Variants in CDH24 observed in about 807,000 individuals in gnomAD.
CDH24 encodes cadherin-24.
CDH24 carries 61 observed loss-of-function variants against 71.2 expected under a neutral mutation model. The ratio of observed to expected loss-of-function variants is 0.86; its 90% CI spans 0.70 to 1.06. CDH24 has a LOEUF of 1.06. Ranked by LOEUF, CDH24 falls within the 50% of genes least tolerant of loss-of-function variation. CDH24 has a pLI of 0.00. For synonymous variants in CDH24, 440 were observed against 470.2 expected (o/e 0.94, Z 0.83); for missense variants, 961 against 1,083.7 (o/e 0.89, Z 1.59).
At chr14:23,049,508 T>C (rs1025379451) in intron 10 of CDH24, 119 bp downstream of exon 10, 1 of 719,448 alleles carries the variant, frequency 1.4e-6, no homozygotes, top group African/African-American at 1.8e-5. Context: ...CACACCCATC[T>C]TCTGTTGGGT....
intron 7 of CDH24, 123 bp downstream of exon 7, chr14:23,053,373 C>T (rs2139947167): frequency 1.7e-6 from 2 of 1,205,230 alleles, no homozygotes; most frequent in Non-Finnish European, 1.1e-6. Context: ...AGCCCAGCTG[C>T]AGGGAGGGAG....
At position 23,054,681 on chromosome 14, in the gene CDH24, G is replaced by A. The variant is rs201261772; in HGVS notation, c.617-8C>T. On this transcript the variant is annotated splice_region_variant and splice_polypyrimidine_tract_variant and intron_variant, in intron 4 of 12. Transcript: ENST00000487137. This position sits in a 1 kb window ranked among gnomAD's most constrained non-coding sequence, Gnocchi z 5.2. ...TGGCTGTACGCACCACTCCTAGGGAGAGATGCTGGTCAGAGGGTGTCTGTC... is the reference window on the plus strand; with the variant it reads ...TGGCTGTACGCACCACTCCTAGGGAAAGATGCTGGTCAGAGGGTGTCTGTC... The A allele has an allele frequency of 1.9e-6, 3 of 1,614,014 alleles. No individual in the cohort carries two copies. The East Asian group carries it at 6.7e-5, about 36-fold the overall frequency.
Position 23,054,160 on chromosome 14 carries a change from C to G in CDH24, c.953G>C (p.Gly318Ala), listed in dbSNP as rs1166326641. ...SISTDLQGRD[G>A]LLTVRKPLDF... ...GCTAACCTTGCGGACAGTGAGGAGC[C>G]CGTCTCGACCCTGCAAGTCTGTGCT... The change falls in exon 6 of 13, where the codon GGG becomes GCG. Residue 318 changes from glycine (G) to alanine (A), a missense_variant. Gly to Ala is a moderately conservative substitution (Grantham distance 60). Coordinates refer to ENST00000487137, the MANE Select transcript of CDH24 (RefSeq NM_144985.4). This position sits in a 1 kb window ranked among gnomAD's most constrained non-coding sequence, Gnocchi z 5.2. The G allele has an allele frequency of 6.2e-7, 1 of 1,601,786 alleles. No homozygotes were observed. The highest frequency in any genetic ancestry group is 1.3e-5 in the African/African-American group (1 of 74,518).
At position 23,054,531 on chromosome 14, in the gene CDH24, G is replaced by A. The variant is rs371083991; in HGVS notation, c.759C>T (p.Asn253=). Residue 253 remains asparagine, a synonymous_variant, in exon 5 of 13, where the codon AAC becomes AAT. Coordinates refer to ENST00000487137, the MANE Select transcript of CDH24 (RefSeq NM_144985.4). The surrounding 1 kb of genome is among the most constrained non-coding windows in gnomAD (Gnocchi z 5.2). ...TTVTVTLSDV[N]DNPPKFPQSL... Reference sequence around the variant, plus strand: ...TCTGTGGGAACTTGGGGGGGTTGTCGTTGACATCGCTGAGCGTGACAGTCA... The same window carrying A: ...TCTGTGGGAACTTGGGGGGGTTGTCATTGACATCGCTGAGCGTGACAGTCA... 4.3e-5 allele frequency: 69 copies of A among 1,613,668 alleles called. No individual in the cohort carries two copies. In the South Asian group the frequency reaches 4.4e-4, roughly 10 times the overall value.
At position 23,049,693 on chromosome 14, in the gene CDH24, T is replaced by C. The variant is rs1420816092; in HGVS notation, c.1531A>G (p.Ser511Gly). ...RALDRDEVGN[S>G]SHVSFQGPLG... ...GGACCTTGAAAGGAGACATGGCTAC[T>C]GTTGCCAACTTCATCTCTGTCCAGG... Residue 511 changes from serine (S) to glycine (G), a missense_variant, in exon 10 of 13, where the codon AGT becomes GGT. This residue lies in a region of CDH24 where 671 missense variants were observed against 810.9 expected (regional missense o/e 0.83). Transcript: ENST00000487137. 6.2e-7 allele frequency: 1 copy of C among 1,612,192 alleles called. No individual in the cohort carries two copies. The highest frequency in any genetic ancestry group is 1.1e-5 in the South Asian group (1 of 90,844).
Position 23,048,199 on chromosome 14 carries a change from C to A in CDH24, c.2127G>T (p.Arg709=). ...CGGGGTCCTCGTCCGCCTCGCGGAG[C>A]CGCAGCGCCAGGAGCTGCGCCACGT... is the stretch of plus-strand genomic sequence containing the variant. ...PADVAQLLAL[R]LREADEDPGV... is the part of the protein sequence containing the mutation. The change falls in exon 12 of 13, where the codon CGG becomes CGT. Residue 709 remains arginine, a synonymous_variant. Coordinates refer to ENST00000487137, the MANE Select transcript of CDH24 (RefSeq NM_144985.4). The A allele has an allele frequency of 7.5e-7, 1 of 1,327,720 alleles. No homozygotes were observed. Among genetic ancestry groups the A allele is most frequent in the Non-Finnish European group, 9.7e-7 (1 of 1,035,090 alleles). The allele number at this position is 1,327,720 out of a possible 1,614,324, so 82.2% of individuals were successfully genotyped here. A position where few individuals can be genotyped will look rare whatever the true frequency, so the allele number is the denominator to read the frequency against.
intron 8 of CDH24, 98 bp from the exon 9 acceptor site, chr14:23,050,041 T>C: frequency 1.3e-6 from 2 of 1,497,666 alleles, no homozygotes; most frequent in East Asian, 2.3e-5. Flanking sequence ...ATGAAGCATA[T>C]AGCATGCACA....
intron 8 of CDH24, chr14:23,052,001 G>A: frequency 6.3e-7 from 1 of 1,587,824 alleles, no homozygotes; most frequent in African/African-American, 1.3e-5. Flanking sequence ...TTCCAACAGG[G>A]CTTCTCTGGG....
At position 23,049,102 on chromosome 14, in the gene CDH24, C is replaced by T. The variant is rs760900809; in HGVS notation, c.1771G>A (p.Glu591Lys). Reference protein sequence around the residue: ...PDGSVASCWPEAHLSAAGLST... With the variant: ...PDGSVASCWPKAHLSAAGLST... ...AGCCCAGCAGCTGAGAGGTGAGCCT[C>T]AGGCCAGCAGGATGCCACAGAGCCG... Residue 591 changes from glutamate (E) to lysine (K), a missense_variant, in exon 11 of 13, where the codon GAG becomes AAG. Transcript: ENST00000487137. 10 of 1,610,188 alleles carry T rather than the reference C, an allele frequency of 6.2e-6. No individual in the cohort carries two copies. The highest frequency in any genetic ancestry group is 1.7e-5 in the Admixed American group (1 of 59,598).
rs1838938195 is a variant in CDH24, at chr14:23,053,412, A to G, written c.1226+84T>C. ...TTTGCTGGGATATGAGTGATTTGCT[A>G]TAAGGTAGGGGGCACATTTACTCAT... On this transcript the variant is annotated intron_variant, in intron 7 of 12. Transcript: ENST00000487137. The G allele has an allele frequency of 5.8e-6, 8 of 1,390,562 alleles. No homozygotes were observed. In the East Asian group the frequency reaches 1.3e-4, roughly 22 times the overall value. 86.1% of individuals were successfully genotyped at this position (1,390,562 alleles called of 1,614,324 possible). A position where few individuals can be genotyped will look rare whatever the true frequency, so the allele number is the denominator to read the frequency against.
rs762040940 is a variant in CDH24, at chr14:23,054,469, T to A, written c.784+37A>T. On this transcript the variant is annotated intron_variant, in intron 5 of 12. Transcript: ENST00000487137. The surrounding 1 kb of genome is among the most constrained non-coding windows in gnomAD (Gnocchi z 5.2). ...TCCAGACACTGTAGGGGTGGGGTGA[T>A]CAAAGGATGGCTCAGGTGGCAGCAA... The A allele has an allele frequency of 4.4e-6, 7 of 1,596,520 alleles. No homozygotes were observed. In the Admixed American group the frequency reaches 1.0e-4, roughly 23 times the overall value.
chr14:23,049,587 A>G (rs2047069085), intron 10 of CDH24, 40 bp downstream of exon 10: 1 of 1,206,106 alleles, frequency 8.3e-7, no homozygotes, highest in Non-Finnish European at 1.2e-6. Context: ...GGAGAAGGGG[A>G]CAGAGGCAGG....
chr14:23,054,243 G>A lies in CDH24; in HGVS notation c.870C>T (p.Asp290=). The part of the protein sequence containing the change: ...RLRAQDPDLG[D]NALMAYSILD... ...GGATGCTGTATGCCATCAGGGCGTT[G>A]TCCCCCAGGTCTGGGTCCTGGGCCC... Residue 290 remains aspartate (D), a synonymous_variant, in exon 6 of 13, where the codon GAC becomes GAT. Coordinates refer to ENST00000487137, the MANE Select transcript of CDH24 (RefSeq NM_144985.4). This position sits in a 1 kb window ranked among gnomAD's most constrained non-coding sequence, Gnocchi z 5.2. 1 of 1,613,798 alleles carries A rather than the reference G, an allele frequency of 6.2e-7. No homozygotes were observed. The highest frequency in any genetic ancestry group is 8.5e-7 in the Non-Finnish European group (1 of 1,179,956).
chr14:23,049,273 C>CAGGG lies in CDH24; in HGVS notation c.1599_1600insCCCT (p.Gly534ProfsTer43), dbSNP rs1389300473. 4 of 1,569,656 alleles carry CAGGG rather than the reference C, an allele frequency of 2.5e-6. No individual in the cohort carries two copies. Among genetic ancestry groups the CAGGG allele is most frequent in the Non-Finnish European group, 3.5e-6 (4 of 1,157,228 alleles). On this transcript the variant is annotated frameshift_variant and splice_region_variant, in exon 11 of 13. Coordinates refer to ENST00000487137, the MANE Select transcript of CDH24 (RefSeq NM_144985.4). LOFTEE classifies it high-confidence loss of function. ...GAGGGCAGCAGCAGGCTGGCGGAGC[C>CAGGG]ATCTGTGGGAGAGGGAAGGTGTTGA...
chr14:23,052,247 A>T lies in CDH24; in HGVS notation c.1363+226T>A, dbSNP rs1566723008. ...GTGCCCACCCAGCCCAGCCTAGGGG[A>T]CTAGGAGACCAGGAGGCCCGCCCTG... is the stretch of plus-strand genomic sequence containing the variant. On this transcript the variant is annotated intron_variant, in intron 8 of 12. Transcript: ENST00000487137. The T allele has an allele frequency of 4.2e-6, 3 of 715,474 alleles. No individual in the cohort carries two copies. The East Asian group carries it at 8.1e-5, about 19-fold the overall frequency. 44.3% of individuals were successfully genotyped at this position (715,474 alleles called of 1,614,324 possible). A position where few individuals can be genotyped will look rare whatever the true frequency, so the allele number is the denominator to read the frequency against.
Position 23,048,066 on chromosome 14 carries a change from C to G in CDH24, c.2260G>C (p.Gly754Arg), listed in dbSNP as rs1160397211. The G allele has an allele frequency of 9.8e-6, 14 of 1,434,332 alleles. No individual in the cohort carries two copies. The highest frequency in any genetic ancestry group is 2.8e-5 in the Admixed American group (1 of 35,912). The allele number at this position is 1,434,332 out of a possible 1,614,324, so 88.9% of individuals were successfully genotyped here. A position where few individuals can be genotyped will look rare whatever the true frequency, so the allele number is the denominator to read the frequency against. Residue 754 changes from glycine (G) to arginine (R), a missense_variant, in exon 12 of 13, where the codon GGC becomes CGC. Physicochemically the swap from Gly to Arg is moderately radical, Grantham distance 125 (BLOSUM62 -2). This residue lies in a region of CDH24 where 290 missense variants were observed against 272.8 expected (regional missense o/e 1.06). Coordinates refer to ENST00000487137, the MANE Select transcript of CDH24 (RefSeq NM_144985.4). ...CAGTCGTCCAGCGGCTCCGCGGGGC[C>G]GGGGGCGCCGCCGGCTTCGCTGCCG... ...GSGSEAGGAP[G>R]PAEPLDDWGP...
rs111407353 is a variant in CDH24 at position 23,052,593 on chromosome 14, G to C, written c.1243C>G (p.His415Asp). The C allele has an allele frequency of 9.3e-6, 15 of 1,613,828 alleles. No individual in the cohort carries two copies. In the South Asian group the frequency reaches 1.1e-4, roughly 12 times the overall value. Residue 415 changes from histidine to aspartate, a missense_variant, in exon 8 of 13, where the codon CAC (histidine) becomes GAC (aspartate). Around this residue, in one of 2 missense-constraint regions of CDH24, gnomAD observed 671 missense variants for 810.9 expected, o/e 0.83. Coordinates refer to ENST00000487137, the MANE Select transcript of CDH24 (RefSeq NM_144985.4). The stretch of plus-strand genomic sequence containing the variant: ...GAGAAGCAACGCTCCGGATCTGAGT[G>C]GGGGAGGATGGAGTATCTGGGGAAG... ...ASPIRYSILP[H>D]SDPERCFSIQ...
intron 10 of CDH24, 83 bp from the exon 11 acceptor site, chr14:23,049,358 T>C: frequency 4.5e-6 from 6 of 1,347,038 alleles, no homozygotes; most frequent in Non-Finnish European, 6.0e-6. Context: ...CAGCTTCCCA[T>C]AGAGCCAGCC....
intron 7 of CDH24, among the ~76,000 whole-genome samples, chr14:23,053,098 C>A (rs977012554): frequency 3.3e-5 from 5 of 152,210 alleles, no homozygotes; most frequent in Admixed American, 1.3e-4. Flanking sequence ...ACTGTGTGAC[C>A]ACTTATGGCT....
Sources: gnomAD v4.1 joint callset for allele counts (sites outside exome capture counted in the v4.1 genomes callset) on GRCh38, gnomAD v4.1.1 for gene constraint, gnomAD v4.1.1 regional missense constraint, Gnocchi (gnomAD v3.1) non-coding constraint, MANE v1.5 for transcripts, NCBI Gene and HGNC (gene_info 2026-07-23, HGNC 2026-07-21) for gene names.